Variants in UQCC1 observed in about 807,000 individuals in gnomAD.
UQCC1 encodes the protein ubiquinol-cytochrome c reductase complex assembly factor 1.
A neutral mutation model predicts 48.0 loss-of-function variants in UQCC1; 38 were observed. The ratio of observed to expected loss-of-function variants is 0.79; its 90% confidence interval spans 0.61 to 1.04. The LOEUF (loss-of-function observed/expected upper bound fraction) is 1.04, where lower values mean the gene tolerates loss of function less well. Ranked by LOEUF, UQCC1 falls within the 50% of genes least tolerant of loss-of-function variation. The pLI is 0.00. For synonymous variants in UQCC1, 111 were observed against 129.2 expected (o/e 0.86, Z 0.95); for missense variants, 368 against 381.8 (o/e 0.96, Z 0.30).
chr20:35,375,780 T>A (rs936320903), intron 4 of UQCC1, among the ~76,000 whole-genome samples: 1 of 151,400 alleles, frequency 6.6e-6, no homozygotes, highest in Non-Finnish European at 1.5e-5. Context: ...GCAAAACGTT[T>A]CCATCTCTAC....
intron 4 of UQCC1, among the ~76,000 whole-genome samples, chr20:35,379,412 C>T (rs1258710140): frequency 6.6e-6 from 1 of 152,172 alleles, no homozygotes; most frequent in Non-Finnish European, 1.5e-5. Context: ...TTGCTGAAAA[C>T]GGTTCTGTTT....
chr20:35,392,759 G>T (rs982699392), intron 2 of UQCC1, among the ~76,000 whole-genome samples: 3 of 151,770 alleles, frequency 2.0e-5, no homozygotes, highest in African/African-American at 7.3e-5. Context: ...AGAAGGGCAG[G>T]GCTTACACAT....
Position 35,384,114 on chromosome 20 carries a change from G to C in UQCC1, c.149C>G (p.Ser50Cys), listed in dbSNP as rs552773495. The change falls in exon 3 of 10, where the codon TCC (serine) becomes TGC (cysteine). Residue 50 changes from serine to cysteine, a missense_variant. By Grantham distance (112) the Ser-to-Cys change is moderately radical. Coordinates refer to ENST00000374385, the MANE Select transcript of UQCC1 (RefSeq NM_018244.5). ...RTSQWPQMSQ[S>C]RACGGSEQIP... The stretch of plus-strand genomic sequence containing the variant: ...CTGTTCTGATCCACCACATGCTCGG[G>C]ACTGGCTCATCTGGGGCCACTGAAG... 2 of 1,612,590 alleles carry C rather than the reference G, an allele frequency of 1.2e-6. No homozygotes were observed. The highest frequency in any genetic ancestry group is 2.2e-5 in the South Asian group (2 of 91,060).
At chr20:35,314,186 ACTC>A (rs1310570424) in intron 8 of UQCC1, among the ~76,000 whole-genome samples, 1 of 151,164 alleles carries the variant, frequency 6.6e-6, no homozygotes, top group Non-Finnish European at 1.5e-5. Context: ...CTGGTCTCGA[ACTC>A]CTGACCTCAA....
In UQCC1 at chr20:35,306,660, A is replaced by G. The variant is rs878639; in HGVS notation, c.765+6T>C. On this transcript the variant is annotated splice_donor_region_variant and intron_variant, in intron 9 of 9. Transcript: ENST00000374385. ...GACTTGGGAGGGGAGGGAAAGGGTC[A>G]CTCACCTGTTTCCTCACATACTCTA... The G allele has an allele frequency of 0.4, 650,073 of 1,609,504 alleles. 138,323 individuals are homozygous for G. The highest frequency in any genetic ancestry group is 0.72 in the African/African-American group (53,624 of 74,810).
intron 7 of UQCC1, among the ~76,000 whole-genome samples, chr20:35,341,868 C>T (rs1052173269): frequency 6.6e-6 from 1 of 152,114 alleles, no homozygotes; most frequent in Non-Finnish European, 1.5e-5. Context: ...ATGTGATGTT[C>T]ACTGAGTGCT....
intron 6 of UQCC1, among the ~76,000 whole-genome samples, chr20:35,356,707 G>T (rs2061550804): frequency 6.6e-6 from 1 of 152,192 alleles, no homozygotes; most frequent in Non-Finnish European, 1.5e-5. Flanking sequence ...TCTGATCCCA[G>T]AGTCCTACGA....
intron 6 of UQCC1, among the ~76,000 whole-genome samples, chr20:35,354,675 G>A (rs892761328): frequency 2.0e-5 from 3 of 151,298 alleles, no homozygotes; most frequent in African/African-American, 4.9e-5. Context: ...GATTACAGGC[G>A]TGAGCCACCA....
intron 8 of UQCC1, among the ~76,000 whole-genome samples, chr20:35,308,691 A>G (rs1404955580): frequency 6.6e-6 from 1 of 152,172 alleles, no homozygotes; most frequent in Non-Finnish European, 1.5e-5. Flanking sequence ...AGTAGAATAG[A>G]TATTATATTC....
intron 1 of UQCC1, among the ~76,000 whole-genome samples, chr20:35,397,218 A>C (rs111384202): frequency 2.0e-5 from 3 of 151,362 alleles, no homozygotes; most frequent in Non-Finnish European, 4.4e-5. Context: ...AAAGAAAAAA[A>C]AAAAAAGAAA....
chr20:35,373,687 C>CAA (rs5841203), intron 5 of UQCC1, among the ~76,000 whole-genome samples: 25 of 86,242 alleles, frequency 2.9e-4, no homozygotes, highest in African/African-American at 8.4e-4. Context: ...GACTCCATCT[C>CAA]AAAAAAAAAA....
chr20:35,394,007 A>G (rs2062043933), intron 2 of UQCC1, 85 bp downstream of exon 2: 1 of 1,334,328 alleles, frequency 7.5e-7, no homozygotes, highest in Admixed American at 1.7e-5. Context: ...CCATCACACA[A>G]TTTGGTTGGC....
intron 8 of UQCC1, among the ~76,000 whole-genome samples, chr20:35,310,359 G>A (rs913604435): frequency 2.0e-5 from 3 of 152,058 alleles, no homozygotes; most frequent in East Asian, 1.9e-4. Flanking sequence ...GAATTGGGAG[G>A]ATTTAGCGGG....
chr20:35,348,461 C>T (rs2061454977), intron 6 of UQCC1, among the ~76,000 whole-genome samples: 1 of 152,180 alleles, frequency 6.6e-6, no homozygotes, highest in African/African-American at 2.4e-5. Flanking sequence ...GCCATCTCGG[C>T]TCACTACAAG....
At position 35,386,946 on chromosome 20, in the gene UQCC1, C is replaced by A. The variant is rs562036091; in HGVS notation, c.130-2813G>T. Among the ~76,000 whole-genome samples, 20 of 152,102 alleles carry A rather than the reference C, an allele frequency of 1.3e-4. No individual in the cohort carries two copies. In the East Asian group the frequency reaches 3.9e-3, roughly 29 times the overall value. Reference sequence around the variant, plus strand: ...CACTTCCCGCAAAAAATTCACTCGACCCTTAAAGACCTCAATTTTTCCTTT... The same window carrying A: ...CACTTCCCGCAAAAAATTCACTCGAACCTTAAAGACCTCAATTTTTCCTTT... On this transcript the variant is annotated intron_variant, in intron 2 of 9. Transcript: ENST00000374385.
At chr20:35,363,302 G>A (rs1285082106) in intron 6 of UQCC1, among the ~76,000 whole-genome samples, 14 of 152,092 alleles carry the variant, frequency 9.2e-5, no homozygotes, top group Non-Finnish European at 7.3e-5. Context: ...TAGGGGAGGA[G>A]GCCTGCTTTT....
intron 7 of UQCC1, among the ~76,000 whole-genome samples, chr20:35,320,272 T>C (rs1021462358): frequency 9.2e-5 from 14 of 152,228 alleles, no homozygotes; most frequent in African/African-American, 3.4e-4. Context: ...CAAGTGCCAA[T>C]AACTGTGCTA....
chr20:35,376,309 A>G lies in UQCC1; in HGVS notation c.334-2053T>C, dbSNP rs2061799653. ...GGCGACAGAGCCAGACTCCGCCTCA[A>G]AAAAAAAATCAATAAAATTGATAAC... On this transcript the variant is annotated intron_variant, in intron 4 of 9. Coordinates refer to ENST00000374385, the MANE Select transcript of UQCC1 (RefSeq NM_018244.5). Among the ~76,000 whole-genome samples the G allele has an allele frequency of 2.0e-5, 3 of 150,876 alleles. No individual in the cohort carries two copies. In the South Asian group the frequency reaches 6.2e-4, roughly 31 times the overall value.
chr20:35,311,068 A>G (rs2060987777), intron 8 of UQCC1, among the ~76,000 whole-genome samples: 1 of 152,158 alleles, frequency 6.6e-6, no homozygotes, highest in African/African-American at 2.4e-5. Context: ...AAGGTACACC[A>G]GGCCCTGAAC....
Sources: gnomAD v4.1 joint callset for allele counts (sites outside exome capture counted in the v4.1 genomes callset) on GRCh38, gnomAD v4.1.1 for gene constraint, MANE v1.5 for transcripts, NCBI Gene and HGNC (gene_info 2026-07-23, HGNC 2026-07-21) for gene names.